Variants in AUTS2 observed in about 807,000 individuals in gnomAD.
AUTS2 encodes the protein activator of transcription and developmental regulator AUTS2.
Under a neutral mutation model 112.4 loss-of-function variants are expected in AUTS2, and 17 were observed. The observed-to-expected ratio is 0.15, with a 90% confidence interval of 0.10 to 0.23. AUTS2 has a LOEUF of 0.23. Among genes scored for constraint, AUTS2 ranks in the 10% least tolerant of loss-of-function variants. AUTS2 has a pLI of 1.00. For missense variants in AUTS2, 1,510 were observed against 1,701.6 expected (o/e 0.89, Z 1.98); for synonymous variants, 751 against 702.7 (o/e 1.07, Z -1.09).
intron 6 of AUTS2, among the ~76,000 whole-genome samples, chr7:70,707,647 G>A (rs1035682264): frequency 4.6e-5 from 7 of 152,036 alleles, no homozygotes; most frequent in African/African-American, 1.7e-4. Flanking sequence ...TAAAACATAA[G>A]GTCCCGGAGG....
At chr7:70,458,183 G>A (rs1796821548) in intron 5 of AUTS2, among the ~76,000 whole-genome samples, 1 of 152,196 alleles carries the variant, frequency 6.6e-6, no homozygotes, top group Admixed American at 6.5e-5. Flanking sequence ...TCAGCCTGGA[G>A]TGGCCCACAG....
At chr7:69,796,584 T>A (rs1215171356) in intron 1 of AUTS2, among the ~76,000 whole-genome samples, 1 of 152,034 alleles carries the variant, frequency 6.6e-6, no homozygotes, top group South Asian at 2.1e-4. Flanking sequence ...CCATGCAGTC[T>A]TTCCCAGAAT....
chr7:70,781,412 G>A, intron 14 of AUTS2: 2 of 449,802 alleles, frequency 4.4e-6, no homozygotes, highest in Non-Finnish European at 7.7e-6. Context: ...GTTGTCACTA[G>A]ACATTTCTGG....
chr7:70,567,499 A>G (rs918728855), intron 5 of AUTS2, among the ~76,000 whole-genome samples: 9 of 152,280 alleles, frequency 5.9e-5, no homozygotes, highest in Non-Finnish European at 1.0e-4. Flanking sequence ...CTGATCCATT[A>G]AATAAAGGAG....
chr7:69,760,562 GCCTGTAAT>G (rs1788142325), intron 1 of AUTS2, among the ~76,000 whole-genome samples: 1 of 152,084 alleles, frequency 6.6e-6, no homozygotes, highest in African/African-American at 2.4e-5. Flanking sequence ...GGTGGCTCAC[GCCTGTAAT>G]CCTAGCACTT....
At chr7:70,756,058 A>G (rs549702540) in intron 6 of AUTS2, among the ~76,000 whole-genome samples, 3 of 152,248 alleles carry the variant, frequency 2.0e-5, no homozygotes, top group Admixed American at 6.5e-5. Context: ...ATTAAAGTCA[A>G]TGTTTATTTC....
intron 4 of AUTS2, among the ~76,000 whole-genome samples, chr7:70,359,974 G>A (rs1465202402): frequency 2.0e-5 from 3 of 152,216 alleles, no homozygotes; most frequent in East Asian, 3.9e-4. Context: ...GCAGAAGCAC[G>A]GGTTTTTATG....
chr7:70,359,280 T>C (rs926309103), intron 4 of AUTS2, among the ~76,000 whole-genome samples: 13 of 152,358 alleles, frequency 8.5e-5, no homozygotes, highest in Non-Finnish European at 1.0e-4. Flanking sequence ...ATAATTGCGT[T>C]GTTGTTGTTA....
chr7:69,831,201 A>G (rs2129527506), intron 1 of AUTS2, among the ~76,000 whole-genome samples: 1 of 152,308 alleles, frequency 6.6e-6, no homozygotes, highest in African/African-American at 2.4e-5. Context: ...TGAAGGAATA[A>G]GAACAGTCTG....
At chr7:69,714,475 A>T (rs1429718582) in intron 1 of AUTS2, among the ~76,000 whole-genome samples, 2 of 152,068 alleles carry the variant, frequency 1.3e-5, no homozygotes, top group Non-Finnish European at 1.5e-5. Flanking sequence ...GTCCTTTTCC[A>T]TTGAATTGCC....
At chr7:69,684,167 A>G (rs975320266) in intron 1 of AUTS2, among the ~76,000 whole-genome samples, 2 of 152,158 alleles carry the variant, frequency 1.3e-5, no homozygotes, top group East Asian at 1.9e-4. Flanking sequence ...AGGAAGAGTC[A>G]TGGGGAGGTG....
At chr7:70,402,911 C>T (rs936997248) in intron 4 of AUTS2, among the ~76,000 whole-genome samples, 7 of 152,158 alleles carry the variant, frequency 4.6e-5, no homozygotes, top group East Asian at 1.9e-4. Flanking sequence ...CCTGGATGCA[C>T]GCAAAGAGAC....
chr7:70,754,529 A>G (rs1789066936), intron 6 of AUTS2, among the ~76,000 whole-genome samples: 1 of 152,218 alleles, frequency 6.6e-6, no homozygotes, highest in Non-Finnish European at 1.5e-5. Flanking sequence ...AGCTTGAGGT[A>G]ATTGCATGTT....
At chr7:70,516,088 G>A (rs1055544057) in intron 5 of AUTS2, among the ~76,000 whole-genome samples, 3 of 152,128 alleles carry the variant, frequency 2.0e-5, no homozygotes, top group Non-Finnish European at 2.9e-5. Flanking sequence ...TTTTTTATCA[G>A]CATTTTAATA....
chr7:70,439,538 C>CAAA (rs71077657), intron 5 of AUTS2, among the ~76,000 whole-genome samples: 26 of 73,166 alleles, frequency 3.6e-4, no homozygotes, highest in East Asian at 1.5e-3. Context: ...GACTCCATCT[C>CAAA]AAAAAAAAAA....
At chr7:70,000,076 C>T (rs1799116698) in intron 2 of AUTS2, among the ~76,000 whole-genome samples, 1 of 152,202 alleles carries the variant, frequency 6.6e-6, no homozygotes, top group African/African-American at 2.4e-5. Flanking sequence ...TGAAAGTGCA[C>T]ACAAACATGC....
chr7:70,218,711 T>C (rs957577500), intron 4 of AUTS2, among the ~76,000 whole-genome samples: 3 of 152,174 alleles, frequency 2.0e-5, no homozygotes, highest in Non-Finnish European at 4.4e-5. Context: ...TCAGCTGAAA[T>C]TACAACATGG....
At chr7:70,476,166 T>A (rs1427974086) in intron 5 of AUTS2, among the ~76,000 whole-genome samples, 1 of 152,204 alleles carries the variant, frequency 6.6e-6, no homozygotes, top group Non-Finnish European at 1.5e-5. Context: ...TTTTTACCCA[T>A]CCCCATAACA....
At chr7:69,670,698 C>G (rs1015075237) in intron 1 of AUTS2, among the ~76,000 whole-genome samples, 1 of 150,584 alleles carries the variant, frequency 6.6e-6, no homozygotes, top group African/African-American at 2.4e-5. Context: ...GTAACATAAT[C>G]AGACCCTATC....
Sources: gnomAD v4.1 joint callset for allele counts (sites outside exome capture counted in the v4.1 genomes callset) on GRCh38, gnomAD v4.1.1 for gene constraint, MANE v1.5 for transcripts, NCBI Gene and HGNC (gene_info 2026-07-23, HGNC 2026-07-21) for gene names.